XKR6: variants seen among roughly 807,000 people sequenced by gnomAD.
XKR6 encodes the protein XK-related protein 6.
In XKR6, 22 loss-of-function variants were observed where a neutral mutation model predicts 56.7. The observed-to-expected ratio is 0.39, with a 90% confidence interval of 0.28 to 0.55. The LOEUF (loss-of-function observed/expected upper bound fraction) is 0.55. Among genes scored for constraint, XKR6 ranks in the 20% least tolerant of loss-of-function variants. The pLI is 0.66. For synonymous variants in XKR6, 524 were observed against 387.8 expected, an observed-to-expected ratio of 1.35 and a Z score of -4.13; for missense variants, 852 against 889.0, an observed-to-expected ratio of 0.96 and a Z score of 0.53.
intron 1 of XKR6, among the ~76,000 whole-genome samples, chr8:11,193,083 C>T (rs1199492375): frequency 2.0e-5 from 3 of 152,082 alleles, no homozygotes; most frequent in Non-Finnish European, 2.9e-5. Context: ...CAGGGCAAAC[C>T]GTAATTATCA....
chr8:11,002,112 C>G (rs1193964734), intron 1 of XKR6, among the ~76,000 whole-genome samples: 1 of 151,732 alleles, frequency 6.6e-6, no homozygotes, highest in African/African-American at 2.4e-5. Context: ...AGGTCCCTGC[C>G]AAGAAAGTGC....
At chr8:11,180,946 T>C (rs1384904752) in intron 1 of XKR6, among the ~76,000 whole-genome samples, 2 of 152,174 alleles carry the variant, frequency 1.3e-5, no homozygotes, top group African/African-American at 4.8e-5. Context: ...CAATTCATTA[T>C]GAAAGTCAGG....
At chr8:10,926,880 T>C (rs1453656101) in intron 1 of XKR6, among the ~76,000 whole-genome samples, 2 of 151,998 alleles carry the variant, frequency 1.3e-5, no homozygotes, top group Non-Finnish European at 1.5e-5. Flanking sequence ...TTGCACCTAG[T>C]CTCAGAGCTC....
intron 1 of XKR6, among the ~76,000 whole-genome samples, chr8:11,065,502 G>A (rs556001427): frequency 3.9e-5 from 6 of 152,054 alleles, no homozygotes; most frequent in South Asian, 2.1e-4. Context: ...CGTGATGAGC[G>A]TCATATCAGC....
chr8:11,036,250 G>C (rs1000045759), intron 1 of XKR6, among the ~76,000 whole-genome samples: 4 of 152,098 alleles, frequency 2.6e-5, no homozygotes, highest in African/African-American at 7.2e-5. Context: ...ACCCAGCCTG[G>C]AAGTTCCTTC....
chr8:11,103,750 T>C (rs1002640343), intron 1 of XKR6, among the ~76,000 whole-genome samples: 5 of 152,216 alleles, frequency 3.3e-5, no homozygotes, highest in Admixed American at 1.3e-4. Context: ...AACTTGTGCT[T>C]TCTCTTCAAA....
chr8:10,992,992 T>C (rs566457562), intron 1 of XKR6, among the ~76,000 whole-genome samples: 1 of 152,322 alleles, frequency 6.6e-6, no homozygotes, highest in East Asian at 1.9e-4. Flanking sequence ...CTTTTAAAAA[T>C]GGGTGTCTGG....
At chr8:11,197,192 G>T (rs1011891157) in intron 1 of XKR6, among the ~76,000 whole-genome samples, 7 of 152,180 alleles carry the variant, frequency 4.6e-5, no homozygotes, top group Admixed American at 4.6e-4. Flanking sequence ...AACAAGTTAA[G>T]TAAATTCCTT....
intron 1 of XKR6, chr8:11,104,951 T>C (rs1354634752): frequency 2.0e-5 from 3 of 152,204 alleles, no homozygotes; most frequent in Admixed American, 6.5e-5. Flanking sequence ...CAGTCAAGCG[T>C]TGGTTGAAAC....
chr8:11,140,327 A>C (rs1047086374), intron 1 of XKR6, among the ~76,000 whole-genome samples: 1 of 152,206 alleles, frequency 6.6e-6, no homozygotes, highest in South Asian at 2.1e-4. Context: ...ACACTGAGAG[A>C]ACATACCACC....
chr8:11,186,498 T>C lies in XKR6; in HGVS notation c.764+14078A>G, dbSNP rs371665026. Among the ~76,000 whole-genome samples, 17 of 152,234 alleles carry C rather than the reference T, an allele frequency of 1.1e-4. No individual in the cohort carries two copies. In the South Asian group the frequency reaches 3.1e-3, roughly 28 times the overall value. Reference sequence around the variant, plus strand: ...CTCAAGTAGTCTTCCCATCTCAGCCTCCCAACTAGCTGGGAACCACAGGTG... The same window carrying C: ...CTCAAGTAGTCTTCCCATCTCAGCCCCCCAACTAGCTGGGAACCACAGGTG... On this transcript the variant is annotated intron_variant, in intron 1 of 2. Coordinates refer to ENST00000416569, the MANE Select transcript of XKR6 (RefSeq NM_173683.4).
chr8:11,012,588 C>T (rs908669765), intron 1 of XKR6, among the ~76,000 whole-genome samples: 2 of 152,096 alleles, frequency 1.3e-5, no homozygotes, highest in African/African-American at 4.8e-5. Context: ...AGGAAAAGAG[C>T]TGGGAAATGT....
At chr8:11,186,982 C>A (rs1803308364) in intron 1 of XKR6, among the ~76,000 whole-genome samples, 1 of 152,136 alleles carries the variant, frequency 6.6e-6, no homozygotes, top group Admixed American at 6.5e-5. Flanking sequence ...AGAAAAAAAC[C>A]ATGAAAACAG....
chr8:11,024,604 T>C (rs866645051), intron 1 of XKR6, among the ~76,000 whole-genome samples: 6 of 152,228 alleles, frequency 3.9e-5, no homozygotes, highest in Admixed American at 6.5e-5. Context: ...ATCTGTCCCA[T>C]GCTGGCACTG....
At chr8:11,146,944 G>A (rs1298811439) in intron 1 of XKR6, among the ~76,000 whole-genome samples, 1 of 152,008 alleles carries the variant, frequency 6.6e-6, no homozygotes, top group Non-Finnish European at 1.5e-5. Context: ...AAACAGAGTA[G>A]AATGGTAGTT....
At chr8:11,033,695 G>C (rs1799063960) in intron 1 of XKR6, among the ~76,000 whole-genome samples, 2 of 152,128 alleles carry the variant, frequency 1.3e-5, no homozygotes, top group Non-Finnish European at 2.9e-5. Flanking sequence ...AAGTCGACCT[G>C]AAACAGAGTC....
At chr8:10,904,227 G>A (rs139905848) in intron 2 of XKR6, among the ~76,000 whole-genome samples, 14 of 152,326 alleles carry the variant, frequency 9.2e-5, no homozygotes, top group Admixed American at 7.2e-4. Context: ...TGCCCACTGC[G>A]CTGACCTTAG....
intron 2 of XKR6, among the ~76,000 whole-genome samples, chr8:10,908,102 C>A (rs1800234318): frequency 6.6e-6 from 1 of 152,214 alleles, no homozygotes; most frequent in African/African-American, 2.4e-5. Context: ...TGAGGTGTGG[C>A]TGAGACTTGC....
At chr8:10,957,030 A>T (rs1464247886) in intron 1 of XKR6, among the ~76,000 whole-genome samples, 1 of 152,046 alleles carries the variant, frequency 6.6e-6, no homozygotes, top group African/African-American at 2.4e-5. Context: ...GGATTGCTAC[A>T]ACCTCTGCCT....
Sources: allele counts gnomAD v4.1 joint callset (sites outside exome capture counted in the v4.1 genomes callset), GRCh38; gene constraint gnomAD v4.1.1; transcripts MANE v1.5; gene names NCBI Gene and HGNC (gene_info 2026-07-23, HGNC 2026-07-21).